The following PRKCA variants were observed in gnomAD, a reference collection of about 807,000 sequenced individuals.
The protein encoded by PRKCA is protein kinase C alpha type.
PRKCA carries 27 observed loss-of-function variants against 87.0 expected under a neutral mutation model. The observed-to-expected ratio is 0.31, with a 90% CI of 0.23 to 0.43. The LOEUF (loss-of-function observed/expected upper bound fraction) is 0.43, where lower values mean the gene tolerates loss of function less well. Ranked by LOEUF, PRKCA falls within the 20% of genes least tolerant of loss-of-function variation. PRKCA has a pLI of 1.00. For synonymous variants in PRKCA, 329 were observed against 311.1 expected, an observed-to-expected ratio of 1.06 and a Z score of -0.61; for missense variants, 518 against 852.3, an observed-to-expected ratio of 0.61 and a Z score of 4.88.
At chr17:66,373,284 G>A (rs1391491266) in intron 2 of PRKCA, among the ~76,000 whole-genome samples, 1 of 152,010 alleles carries the variant, frequency 6.6e-6, no homozygotes, top group East Asian at 1.9e-4. Flanking sequence ...CACTTGGAAC[G>A]CATTATCTCA....
At chr17:66,635,873 G>A (rs530855442) in intron 3 of PRKCA, among the ~76,000 whole-genome samples, 81 of 152,258 alleles carry the variant, frequency 5.3e-4, no homozygotes, top group Non-Finnish European at 8.7e-4. Context: ...TATCACTGGG[G>A]AAGCTGGATG....
intron 3 of PRKCA, among the ~76,000 whole-genome samples, chr17:66,592,836 A>C (rs751030892): frequency 1.3e-5 from 2 of 152,228 alleles, no homozygotes; most frequent in African/African-American, 4.8e-5. Flanking sequence ...TCTGTCGCCC[A>C]GGCTGGAGTG....
intron 8 of PRKCA, among the ~76,000 whole-genome samples, chr17:66,695,608 G>C (rs1972898402): frequency 6.6e-6 from 1 of 152,244 alleles, no homozygotes; most frequent in Middle Eastern, 3.4e-3. Flanking sequence ...AAAAAACAGA[G>C]CAAATTAAGA....
chr17:66,587,844 TCTAC>T (rs1969658519), intron 3 of PRKCA, among the ~76,000 whole-genome samples: 1 of 129,316 alleles, frequency 7.7e-6, no homozygotes, highest in Non-Finnish European at 1.7e-5. Flanking sequence ...TATGTGTGTA[TCTAC>T]ATATACATAT....
intron 2 of PRKCA, among the ~76,000 whole-genome samples, chr17:66,469,598 G>A (rs1161991757): frequency 1.3e-5 from 2 of 152,258 alleles, no homozygotes; most frequent in African/African-American, 4.8e-5. Flanking sequence ...GGATTTACTA[G>A]CATGTGATAC....
intron 3 of PRKCA, among the ~76,000 whole-genome samples, chr17:66,596,555 T>A (rs999767930): frequency 6.9e-6 from 1 of 144,478 alleles, no homozygotes; most frequent in Admixed American, 7.0e-5. Flanking sequence ...TGTAGGAAAT[T>A]GAAAAAATAT....
chr17:66,553,972 G>T (rs752406271), intron 3 of PRKCA, among the ~76,000 whole-genome samples: 2 of 152,202 alleles, frequency 1.3e-5, no homozygotes, highest in African/African-American at 4.8e-5. Context: ...GACAGCTAAA[G>T]TGGTTCAGAG....
chr17:66,374,099 G>A (rs1909271404), intron 2 of PRKCA, among the ~76,000 whole-genome samples: 1 of 152,120 alleles, frequency 6.6e-6, no homozygotes, highest in Non-Finnish European at 1.5e-5. Flanking sequence ...CCGCAAGGGA[G>A]GATGGGCCAG....
At chr17:66,339,928 T>C (rs758629112) in intron 2 of PRKCA, 1 of 152,194 alleles carries the variant, frequency 6.6e-6, no homozygotes, top group African/African-American at 2.4e-5. Flanking sequence ...GGAAGCTTCA[T>C]CAGATTTTCA....
chr17:66,509,190 G>GTGT (rs1917115420), intron 3 of PRKCA, among the ~76,000 whole-genome samples: 1 of 151,548 alleles, frequency 6.6e-6, no homozygotes, highest in South Asian at 2.1e-4. Flanking sequence ...GTGTGTGTGT[G>GTGT]TGTGTGTGTG....
chr17:66,484,847 T>C (rs1385208474), intron 2 of PRKCA, among the ~76,000 whole-genome samples: 1 of 152,204 alleles, frequency 6.6e-6, no homozygotes, highest in Non-Finnish European at 1.5e-5. Context: ...TGTATAATTT[T>C]TTTTAAGTTA....
chr17:66,627,412 T>C (rs1009744813), intron 3 of PRKCA, among the ~76,000 whole-genome samples: 1 of 152,164 alleles, frequency 6.6e-6, no homozygotes, highest in Admixed American at 6.5e-5. Context: ...GAAAGTGCAT[T>C]AGTGTTGCCT....
intron 8 of PRKCA, among the ~76,000 whole-genome samples, chr17:66,699,926 G>A (rs1428297432): frequency 6.6e-6 from 1 of 152,228 alleles, no homozygotes; most frequent in African/African-American, 2.4e-5. Context: ...CCAAAACACT[G>A]AAAGGGAAAG....
chr17:66,426,821 C>T (rs530868585), intron 2 of PRKCA, among the ~76,000 whole-genome samples: 5 of 152,236 alleles, frequency 3.3e-5, no homozygotes, highest in South Asian at 4.1e-4. Flanking sequence ...TGTTGCCATG[C>T]GTGCATGTAT....
At chr17:66,349,074 C>A (rs1448742796) in intron 2 of PRKCA, among the ~76,000 whole-genome samples, 1 of 152,168 alleles carries the variant, frequency 6.6e-6, no homozygotes, top group Non-Finnish European at 1.5e-5. Flanking sequence ...AACCTGAACA[C>A]AATGTGAGCA....
At chr17:66,479,636 AAATGTGGTACATATACACCATGG>A (rs1915688057) in intron 2 of PRKCA, among the ~76,000 whole-genome samples, 1 of 152,252 alleles carries the variant, frequency 6.6e-6, no homozygotes, top group Non-Finnish European at 1.5e-5. Flanking sequence ...TGGATAAAGA[AAATGTGGTACATATACACCATGG>A]AATACTATGC....
rs1173461311 is a variant in PRKCA, at chr17:66,804,021, T to C, written c.2003T>C (p.Leu668Ser). The change falls in exon 17 of 17, where the codon TTA becomes TCA. Residue 668 changes from leucine to serine, a missense_variant. Leu to Ser is a moderately radical substitution (Grantham distance 145). Coordinates refer to ENST00000413366, the MANE Select transcript of PRKCA (RefSeq NM_002737.3). ...AACCCCCAGTTTGTGCACCCCATCT[T>C]ACAGAGTGCAGTATGAAACTCACCA... ...YVNPQFVHPI[L>S]QSAV 2 of 1,612,912 alleles carry C rather than the reference T, an allele frequency of 1.2e-6. No homozygotes were observed.
chr17:66,668,579 A>G (rs745500707), intron 5 of PRKCA, among the ~76,000 whole-genome samples: 6 of 152,246 alleles, frequency 3.9e-5, no homozygotes, highest in Non-Finnish European at 8.8e-5. Flanking sequence ...CCCAGTAGAC[A>G]GTGGATAGAG....
intron 8 of PRKCA, among the ~76,000 whole-genome samples, chr17:66,718,330 A>T (rs1471425213): frequency 1.3e-5 from 2 of 152,126 alleles, no homozygotes; most frequent in African/African-American, 4.8e-5. Context: ...TTTATTATTT[A>T]GAGACAGGGT....
Sources: gnomAD v4.1 joint callset for allele counts (sites outside exome capture counted in the v4.1 genomes callset) on GRCh38, gnomAD v4.1.1 for gene constraint, MANE v1.5 for transcripts, NCBI Gene and HGNC (gene_info 2026-07-23, HGNC 2026-07-21) for gene names.